SH3GLB1: variants seen among roughly 807,000 people sequenced by gnomAD.
The protein encoded by SH3GLB1 is endophilin-B1.
Under a neutral mutation model 42.0 loss-of-function variants are expected in SH3GLB1, and 17 were observed. The ratio of observed to expected loss-of-function variants is 0.40; its 90% CI spans 0.28 to 0.61. The LOEUF (loss-of-function observed/expected upper bound fraction) is 0.61. Among genes scored for constraint, SH3GLB1 ranks in the 20% least tolerant of loss-of-function variants. SH3GLB1 has a pLI of 0.36. For synonymous variants in SH3GLB1, 132 were observed against 146.6 expected, an observed-to-expected ratio of 0.90 and a Z score of 0.72; for missense variants, 355 against 426.3, an observed-to-expected ratio of 0.83 and a Z score of 1.47.
At position 86,735,136 on chromosome 1, in the gene SH3GLB1, C is replaced by A; in HGVS notation, c.718C>A (p.Gln240Lys). ...AGAAGCCCAGATGACTTACTATGCA[C>A]AGTGTTACCAGTATATGTTGGACCT... ...FVEAQMTYYA[Q>K]CYQYMLDLQK... The change falls in exon 7 of 9, where the codon CAG becomes AAG. Residue 240 changes from glutamine to lysine, a missense_variant. Transcript: ENST00000370558. 6.2e-7 allele frequency: 1 copy of A among 1,612,854 alleles called. No individual in the cohort carries two copies. Among genetic ancestry groups the A allele is most frequent in the Non-Finnish European group, 8.5e-7 (1 of 1,179,028 alleles).
rs896152861 is a variant in SH3GLB1, at chr1:86,734,513, C to T, written c.571-89C>T. The T allele has an allele frequency of 1.7e-5, 15 of 903,460 alleles. No individual in the cohort carries two copies. The East Asian group carries it at 2.1e-4, about 13-fold the overall frequency. 56.0% of individuals were successfully genotyped at this position (903,460 alleles called of 1,614,324 possible). The stretch of plus-strand genomic sequence containing the variant: ...GCCAGATTATAACTTGAGGTTTGTT[C>T]GGGGGATTTTTTTTAACCATCTAAA... On this transcript the variant is annotated intron_variant, in intron 5 of 8. Coordinates refer to ENST00000370558, the MANE Select transcript of SH3GLB1 (RefSeq NM_016009.5).
intron 4 of SH3GLB1, 150 bp downstream of exon 4, chr1:86,722,823 T>G (rs1654942394): frequency 1.7e-6 from 1 of 586,588 alleles, no homozygotes; most frequent in African/African-American, 1.9e-5. Flanking sequence ...GAACACAAAA[T>G]TAAACCAAAA....
Position 86,722,525 on chromosome 1 carries a change from A to G in SH3GLB1, c.344-15A>G. The G allele has an allele frequency of 1.3e-6, 2 of 1,560,818 alleles. No homozygotes were observed. ...TTACCAGACAATGATTTTTAAAAAC[A>G]TTTTTCCTTTGCAGGTAATGCCCTT... is the stretch of plus-strand genomic sequence containing the variant. On this transcript the variant is annotated splice_polypyrimidine_tract_variant and intron_variant, in intron 3 of 8. Transcript: ENST00000370558.
intron 5 of SH3GLB1, among the ~76,000 whole-genome samples, chr1:86,733,362 T>C (rs1655610521): frequency 6.6e-6 from 1 of 152,192 alleles, no homozygotes; most frequent in Non-Finnish European, 1.5e-5. Context: ...GGGTAACTAT[T>C]GCCACCAAAG....
rs1482915484 is a variant in SH3GLB1 at position 86,704,729 on chromosome 1, G to T, written c.-171G>T. On this transcript the variant is annotated 5_prime_UTR_variant, in exon 1 of 9. Transcript: ENST00000370558. ...CGCGCTTGTTCTCCTCCCTCGCCCC[G>T]CCTTCATCCTCCCCGTTCACGGAAA... 6.3e-6 allele frequency: 3 copies of T among 475,472 alleles called. No homozygotes were observed. Among genetic ancestry groups the T allele is most frequent in the Non-Finnish European group, 1.1e-5 (3 of 269,430 alleles). 29.5% of individuals were successfully genotyped at this position (475,472 alleles called of 1,614,324 possible). A position where few individuals can be genotyped will look rare whatever the true frequency, so the allele number is the denominator to read the frequency against.
chr1:86,718,227 G>T (rs1654663126), intron 2 of SH3GLB1, among the ~76,000 whole-genome samples: 1 of 150,988 alleles, frequency 6.6e-6, no homozygotes, highest in South Asian at 2.1e-4. Context: ...TTTTTTTTTA[G>T]TAGAGACGGG....
At chr1:86,727,171 C>T (rs760914202) in intron 5 of SH3GLB1, among the ~76,000 whole-genome samples, 24 of 151,896 alleles carry the variant, frequency 1.6e-4, no homozygotes, top group South Asian at 4.1e-4. Flanking sequence ...CAATCTGGTA[C>T]AACAGATCAT....
chr1:86,737,628 T>C (rs1204447613), intron 7 of SH3GLB1, among the ~76,000 whole-genome samples: 1 of 152,190 alleles, frequency 6.6e-6, no homozygotes, highest in Non-Finnish European at 1.5e-5. Context: ...AATGTACTGT[T>C]CCAGATGTGG....
At chr1:86,738,866 A>G (rs538474804) in intron 7 of SH3GLB1, among the ~76,000 whole-genome samples, 15 of 148,964 alleles carry the variant, frequency 1.0e-4, no homozygotes, top group Non-Finnish European at 1.9e-4. Context: ...CTGGTCTTGA[A>G]CTCCTGGCCT....
intron 5 of SH3GLB1, chr1:86,728,545 T>TA (rs1655328640): frequency 1.0e-6 from 1 of 1,002,904 alleles, no homozygotes; most frequent in African/African-American, 1.7e-5. Context: ...CTCTTGCTAT[T>TA]AGCCGCTTGT....
chr1:86,718,771 G>T (rs1654699746), intron 2 of SH3GLB1, among the ~76,000 whole-genome samples: 1 of 152,170 alleles, frequency 6.6e-6, no homozygotes, highest in Non-Finnish European at 1.5e-5. Flanking sequence ...TAAGCATTTT[G>T]CTAACCAAGT....
rs116001536 is a variant in SH3GLB1 at position 86,733,876 on chromosome 1, C to T, written c.571-726C>T. On this transcript the variant is annotated intron_variant, in intron 5 of 8. Coordinates refer to ENST00000370558, the MANE Select transcript of SH3GLB1 (RefSeq NM_016009.5). ...TATCATGAAAATCTGGATATGAGAGCTTTTTTTTTTATTTCTTGGGGAAGA... is the reference window on the plus strand; with the variant it reads ...TATCATGAAAATCTGGATATGAGAGTTTTTTTTTTTATTTCTTGGGGAAGA... Among the ~76,000 whole-genome samples, 408 of 148,756 alleles carry T rather than the reference C, an allele frequency of 2.7e-3. 1 individual carries two copies. Among genetic ancestry groups the T allele is most frequent in the African/African-American group, 9.7e-3 (392 of 40,574 alleles).
chr1:86,723,489 G>A (rs1654986104), intron 4 of SH3GLB1, among the ~76,000 whole-genome samples: 1 of 152,054 alleles, frequency 6.6e-6, no homozygotes. Flanking sequence ...ACTCCAGCCT[G>A]GGGGACAGAG....
chr1:86,708,603 G>A (rs1438575773), intron 1 of SH3GLB1, among the ~76,000 whole-genome samples: 4 of 152,178 alleles, frequency 2.6e-5, no homozygotes, highest in South Asian at 2.1e-4. Context: ...TGTTAGACTA[G>A]AATGTATAAA....
At chr1:86,705,164 C>A (rs754384572) in intron 1 of SH3GLB1, among the ~76,000 whole-genome samples, 193 bp downstream of exon 1, 2 of 152,190 alleles carry the variant, frequency 1.3e-5, no homozygotes, top group East Asian at 1.9e-4. Context: ...TCCTGCCCAA[C>A]CGCCGCTCCC....
rs887953263 is a variant in SH3GLB1 at position 86,704,680 on chromosome 1, G to A, written c.-220G>A. The A allele has an allele frequency of 4.7e-6, 2 of 425,596 alleles. No individual in the cohort carries two copies. The highest frequency in any genetic ancestry group is 2.1e-5 in the African/African-American group (1 of 46,932). 26.4% of individuals were successfully genotyped at this position (425,596 alleles called of 1,614,324 possible). ...TTAGCGGCCGTTCTCCGAGCCGACTGACCCATCCTTGGCGCTGCCGCCGCG... is the reference window on the plus strand; with the variant it reads ...TTAGCGGCCGTTCTCCGAGCCGACTAACCCATCCTTGGCGCTGCCGCCGCG... On this transcript the variant is annotated 5_prime_UTR_variant, in exon 1 of 9. Coordinates refer to ENST00000370558, the MANE Select transcript of SH3GLB1 (RefSeq NM_016009.5).
chr1:86,705,207 G>A (rs1653773557), intron 1 of SH3GLB1, among the ~76,000 whole-genome samples: 1 of 152,152 alleles, frequency 6.6e-6, no homozygotes, highest in African/African-American at 2.4e-5. Flanking sequence ...ACGGGGCCGG[G>A]AGCTTCCTCC....
At chr1:86,712,507 A>G (rs1654272444) in intron 1 of SH3GLB1, among the ~76,000 whole-genome samples, 1 of 152,194 alleles carries the variant, frequency 6.6e-6, no homozygotes, top group Non-Finnish European at 1.5e-5. Flanking sequence ...ATTAATCTCT[A>G]CAATTATTCT....
At chr1:86,740,350 G>T (rs1655997494) in intron 7 of SH3GLB1, among the ~76,000 whole-genome samples, 1 of 152,160 alleles carries the variant, frequency 6.6e-6, no homozygotes, top group South Asian at 2.1e-4. Flanking sequence ...GGTGGCATGT[G>T]GACCCACTTG....
Sources: allele counts gnomAD v4.1 joint callset (sites outside exome capture counted in the v4.1 genomes callset), GRCh38; gene constraint gnomAD v4.1.1; transcripts MANE v1.5; gene names NCBI Gene and HGNC (gene_info 2026-07-23, HGNC 2026-07-21).